The following DPP7 variants were observed in gnomAD, a reference collection of about 807,000 sequenced individuals.
The protein encoded by DPP7 is dipeptidyl peptidase 7.
In DPP7, 74 loss-of-function variants were observed where a neutral mutation model predicts 58.8. The observed-to-expected ratio is 1.26, with a 90% CI of 1.04 to 1.53. The LOEUF (loss-of-function observed/expected upper bound fraction) is 1.53, where lower values mean the gene tolerates loss of function less well. Among genes scored for constraint, DPP7 ranks in the 40% most tolerant of loss-of-function variants. The pLI is 0.00. For missense variants in DPP7, 807 were observed against 692.3 expected (o/e 1.17, Z -1.86); for synonymous variants, 350 against 303.6 (o/e 1.15, Z -1.59).
rs1258141605 is a variant in DPP7, at chr9:137,114,263, G to C, written c.301C>G (p.Leu101Val). ...CCCACGTGCTCCGCGAAGACCAGTA[G>C]AGCCCCCCGCTCGGCCGCCAGCTCC... ...VAELAAERGA[L>V]LVFAEHRYYG... Residue 101 changes from leucine (L) to valine (V), a missense_variant, in exon 3 of 13, where the codon CTA (leucine) becomes GTA (valine). By Grantham distance (32) the Leu-to-Val change is conservative. This residue lies in a region of DPP7 where 15 missense variants were observed against 37.0 expected (regional missense o/e 0.41). Transcript: ENST00000371579. The C allele has an allele frequency of 6.3e-7, 1 of 1,598,940 alleles. No homozygotes were observed. The highest frequency in any genetic ancestry group is 1.7e-5 in the Admixed American group (1 of 59,400).
chr9:137,116,601 C>G (rs554907445), upstream of DPP7, among the ~76,000 whole-genome samples: 1 of 152,242 alleles, frequency 6.6e-6, no homozygotes, highest in Non-Finnish European at 1.5e-5. Flanking sequence ...AGGTTTCCCC[C>G]CAGTGAGACG....
Position 137,113,274 on chromosome 9 carries a change from T to A in DPP7, c.635A>T (p.Gln212Leu), listed in dbSNP as rs749118975. 2 of 1,613,814 alleles carry A rather than the reference T, an allele frequency of 1.2e-6. No individual in the cohort carries two copies. The highest frequency in any genetic ancestry group is 1.7e-6 in the Non-Finnish European group (2 of 1,179,976). Reference protein sequence around the residue: ...FRDVTADFEGQSPKCTQGVRE... With the variant: ...FRDVTADFEGLSPKCTQGVRE... ...CACACCCTGGGTGCATTTGGGACTC[T>A]GGCCCTCAAAGTCCTGGGGGAAAGA... The change falls in exon 6 of 13, where the codon CAG (glutamine) becomes CTG (leucine). Residue 212 changes from glutamine (Q) to leucine (L), a missense_variant. Gln to Leu is a moderately radical substitution (Grantham distance 113). Transcript: ENST00000371579.
chr9:137,115,924 A>C (rs192670544), upstream of DPP7, among the ~76,000 whole-genome samples: 5 of 150,276 alleles, frequency 3.3e-5, no homozygotes, highest in South Asian at 1.0e-3. Flanking sequence ...ATGTGGAGGT[A>C]CCCCACGGCG....
intron 10 of DPP7, 54 bp from the exon 11 acceptor site, chr9:137,111,808 A>G (rs914298658): frequency 2.5e-6 from 4 of 1,613,332 alleles, no homozygotes; most frequent in Admixed American, 3.3e-5. Context: ...GCTGTGAGCC[A>G]TGGGCAGGGG....
In DPP7 at chr9:137,110,555, C is replaced by T. The variant is rs1422502728; in HGVS notation, c.*93G>A. 6.7e-7 allele frequency: 1 copy of T among 1,498,672 alleles called. No individual in the cohort carries two copies. The highest frequency in any genetic ancestry group is 1.4e-5 in the African/African-American group (1 of 71,742). 92.8% of individuals were successfully genotyped at this position (1,498,672 alleles called of 1,614,324 possible). On this transcript the variant is annotated 3_prime_UTR_variant, in exon 13 of 13. Coordinates refer to ENST00000371579, the MANE Select transcript of DPP7 (RefSeq NM_013379.3). ...GGACGGGACATACATGGCCAGGCCT[C>T]CAGGCGTTTATTCAGCCCCTTCCCT...
chr9:137,110,987 C>G (rs199842744), intron 11 of DPP7, 37 bp from the exon 12 acceptor site: 2 of 1,602,478 alleles, frequency 1.2e-6, no homozygotes, highest in East Asian at 2.2e-5. Context: ...AGGTGAGGAA[C>G]GAGGCAACTG....
At chr9:137,118,281 C>T (rs994457252), upstream of DPP7, among the ~76,000 whole-genome samples, 1 of 151,906 alleles carries the variant, frequency 6.6e-6, no homozygotes, top group African/African-American at 2.4e-5. Context: ...AGCCACCACA[C>T]CCGGCCTGTT....
At chr9:137,112,897 C>T in intron 7 of DPP7, 56 bp downstream of exon 7, 1 of 1,607,416 alleles carries the variant, frequency 6.2e-7, no homozygotes, top group South Asian at 1.1e-5. Flanking sequence ...CGCTGACCAC[C>T]AGCCTCGGGA....
rs1289926460 is a variant in DPP7, at chr9:137,111,621, G to A, written c.1272+69C>T. 1.9e-6 allele frequency: 3 copies of A among 1,558,874 alleles called. No individual in the cohort carries two copies. The African/African-American group carries it at 4.1e-5, about 21-fold the overall frequency. ...CCACTGTATTCCAGCCTGGGCGCCA[G>A]AGAAAGACCCTGTCTCAAAAAAAAA... On this transcript the variant is annotated intron_variant, in intron 11 of 12. Coordinates refer to ENST00000371579, the MANE Select transcript of DPP7 (RefSeq NM_013379.3).
upstream of DPP7, chr9:137,114,781 A>C: frequency 8.9e-7 from 1 of 1,119,292 alleles, no homozygotes; most frequent in Non-Finnish European, 1.1e-6. Context: ...TCCTCCCTCC[A>C]GGCCCCACGT....
In DPP7 at chr9:137,112,775, G is replaced by A. The variant is rs1831439850; in HGVS notation, c.901C>T (p.Gln301Ter). Residue 301 changes from glutamine to a stop codon, truncating the protein, a stop_gained, in exon 8 of 13, where the codon CAG becomes TAG. Coordinates refer to ENST00000371579, the MANE Select transcript of DPP7 (RefSeq NM_013379.3). LOFTEE classifies it high-confidence loss of function. ...VGCDRLLSEA[Q>*]RITGLRALAG... The stretch of plus-strand genomic sequence containing the variant: ...AGTGCTCGCAGCCCCGTGATCCTCT[G>A]GGCCTCACTCAGCAGCCGATCACAG... 6.2e-7 allele frequency: 1 copy of A among 1,609,110 alleles called. No individual in the cohort carries two copies. Among genetic ancestry groups the A allele is most frequent in the Non-Finnish European group, 8.5e-7 (1 of 1,179,404 alleles).
rs1831459941 is a variant in DPP7 at position 137,113,127 on chromosome 9, G to T, written c.704-8C>A. 6.2e-7 allele frequency: 1 copy of T among 1,613,686 alleles called. No individual in the cohort carries two copies. Among genetic ancestry groups the T allele is most frequent in the Admixed American group, 1.7e-5 (1 of 60,006 alleles). ...AGCGGACCGTGTCGTAGGCTGCGTG[G>T]AAGGGGCAGAGACTTGAAGTTTGGG... On this transcript the variant is annotated splice_polypyrimidine_tract_variant and splice_region_variant and intron_variant, in intron 6 of 12. Transcript: ENST00000371579.
In DPP7 at chr9:137,113,203, C is replaced by A; in HGVS notation, c.703+3G>T. 1 of 1,613,580 alleles carries A rather than the reference C, an allele frequency of 6.2e-7. No homozygotes were observed. The highest frequency in any genetic ancestry group is 8.5e-7 in the Non-Finnish European group (1 of 1,179,928). ...GCAGTGGGAGGCGGTGGGAGGACCT[C>A]ACCTCCCTGTAGGAACAAGTCCTTG... On this transcript the variant is annotated splice_donor_region_variant and intron_variant, in intron 6 of 12. Coordinates refer to ENST00000371579, the MANE Select transcript of DPP7 (RefSeq NM_013379.3).
At chr9:137,114,912 G>T, upstream of DPP7, 1 of 354,954 alleles carries the variant, frequency 2.8e-6, no homozygotes, top group Non-Finnish European at 5.0e-6. Context: ...GGCACGGCGC[G>T]GGGAAGCAGA....
Position 137,114,392 on chromosome 9 carries a change from G to A in DPP7, c.182-10C>T, listed in dbSNP as rs750405489. 19 of 1,595,278 alleles carry A rather than the reference G, an allele frequency of 1.2e-5. No individual in the cohort carries two copies. The highest frequency in any genetic ancestry group is 1.6e-5 in the Non-Finnish European group (19 of 1,172,188). On this transcript the variant is annotated splice_polypyrimidine_tract_variant and intron_variant, in intron 2 of 12. Transcript: ENST00000371579. Reference sequence around the variant, plus strand: ...CGGACCCAGAACCTGTCTGTGGGGAGGGCGGATGAGGCGAGGGTGCCGGGG... The same window carrying A: ...CGGACCCAGAACCTGTCTGTGGGGAAGGCGGATGAGGCGAGGGTGCCGGGG...
chr9:137,117,036 G>A (rs1360709500), upstream of DPP7, among the ~76,000 whole-genome samples: 2 of 152,230 alleles, frequency 1.3e-5, no homozygotes, highest in Non-Finnish European at 2.9e-5. Context: ...TGCAAAGATA[G>A]TGAAAATGGT....
chr9:137,115,173 G>GCGATAA (rs1339946114), upstream of DPP7: 1 of 154,598 alleles, frequency 6.5e-6, no homozygotes, highest in African/African-American at 2.4e-5. Flanking sequence ...GTTTGTCCAA[G>GCGATAA]CGATAACGGG....
rs1225890884 is a variant in DPP7 at position 137,113,471 on chromosome 9, G to A, written c.511C>T (p.Leu171=). ...GSYGGMLSAY[L]RMKYPHLVAG... ...ACCAGGTGGGGATACTTCATCCTCAGGTAGGCACTGAGCATCCCCCCATAA... is the reference window on the plus strand; with the variant it reads ...ACCAGGTGGGGATACTTCATCCTCAAGTAGGCACTGAGCATCCCCCCATAA... The change falls in exon 5 of 13, where the codon CTG becomes TTG. Residue 171 remains leucine (L), a synonymous_variant. Coordinates refer to ENST00000371579, the MANE Select transcript of DPP7 (RefSeq NM_013379.3). The A allele has an allele frequency of 1.3e-6, 2 of 1,592,572 alleles. No homozygotes were observed. Among genetic ancestry groups the A allele is most frequent in the Non-Finnish European group, 1.7e-6 (2 of 1,167,890 alleles).
At chr9:137,117,810 A>G (rs1226536873), upstream of DPP7, among the ~76,000 whole-genome samples, 1 of 152,120 alleles carries the variant, frequency 6.6e-6, no homozygotes, top group Non-Finnish European at 1.5e-5. Flanking sequence ...CATTAGGTAC[A>G]TTCCTGCCTT....
Sources: gnomAD v4.1 joint callset for allele counts (sites outside exome capture counted in the v4.1 genomes callset) on GRCh38, gnomAD v4.1.1 for gene constraint, gnomAD v4.1.1 regional missense constraint, MANE v1.5 for transcripts, NCBI Gene and HGNC (gene_info 2026-07-23, HGNC 2026-07-21) for gene names.